SRRD: variants seen among roughly 807,000 people sequenced by gnomAD.
SRRD encodes SRR1-like protein.
Under a neutral mutation model 30.7 loss-of-function variants are expected in SRRD, and 28 were observed. That is an observed-to-expected ratio of 0.91 (90% CI 0.68 to 1.25). SRRD has a LOEUF of 1.25. SRRD is among the 50% of genes most tolerant of loss of function. The pLI, the probability that SRRD is intolerant of heterozygous loss-of-function variation, is 0.00. For synonymous variants in SRRD, 161 were observed against 159.6 expected (o/e 1.01, Z -0.07); for missense variants, 415 against 417.3 (o/e 0.99, Z 0.05).
chr22:26,491,525 T>C lies in SRRD; in HGVS notation c.873T>C (p.Asn291=), dbSNP rs759656152. ...PQTSQYMDIF[N]DTSVHWFPVQ... ...CTTCACAATACATGGACATATTTAA[T>C]GATACCTCTGTCCACTGGTTCCCTG... is the stretch of plus-strand genomic sequence containing the variant. The change falls in exon 7 of 7, where the codon AAT becomes AAC. Residue 291 remains asparagine (N), a synonymous_variant. Coordinates refer to ENST00000215917, the MANE Select transcript of SRRD (RefSeq NM_001013694.3). 1.3e-5 allele frequency: 21 copies of C among 1,613,996 alleles called. No homozygotes were observed. The highest frequency in any genetic ancestry group is 4.5e-5 in the East Asian group (2 of 44,906).
At position 26,483,956 on chromosome 22, in the gene SRRD, C is replaced by A. The variant is rs1243345608; in HGVS notation, c.66C>A (p.Ser22=). The A allele has an allele frequency of 9.5e-6, 13 of 1,366,124 alleles. No individual in the cohort carries two copies. The Admixed American group carries it at 1.2e-4, about 13-fold the overall frequency. 84.6% of individuals were successfully genotyped at this position (1,366,124 alleles called of 1,614,324 possible). Residue 22 remains serine, a synonymous_variant, in exon 1 of 7, where the codon TCC becomes TCA. Coordinates refer to ENST00000215917, the MANE Select transcript of SRRD (RefSeq NM_001013694.3). ...CGGCGGCTCCGCGGAAGAGGCGCTC[C>A]GCGGCTCGACGGCCGCGGCGGAGGG... ...WQAAAPRKRR[S]AARRPRRREA...
In SRRD at chr22:26,491,548, C is replaced by CTGTG; in HGVS notation, c.897_900dup (p.Gln301CysfsTer24). ...AATGATACCTCTGTCCACTGGTTCC[C>CTGTG]TGTGCAAAAGCTAGAACAGCTCTCC... On this transcript the variant is annotated frameshift_variant, in exon 7 of 7. Transcript: ENST00000215917. LOFTEE classifies it low-confidence loss of function (END_TRUNC). The CTGTG allele has an allele frequency of 6.2e-7, 1 of 1,614,160 alleles. No homozygotes were observed. Among genetic ancestry groups the CTGTG allele is most frequent in the Admixed American group, 1.7e-5 (1 of 60,026 alleles).
In SRRD at chr22:26,483,977, G is replaced by C. The variant is rs781333166; in HGVS notation, c.87G>C (p.Arg29=). Residue 29 remains arginine (R), a synonymous_variant, in exon 1 of 7, where the codon CGG becomes CGC. Transcript: ENST00000215917. ...GCTCCGCGGCTCGACGGCCGCGGCGGAGGGAGGCGGCGCCCCGGGGGAGAG... is the reference window on the plus strand; with the variant it reads ...GCTCCGCGGCTCGACGGCCGCGGCGCAGGGAGGCGGCGCCCCGGGGGAGAG... ...KRRSAARRPR[R]REAAPRGREA... 1 of 1,363,046 alleles carries C rather than the reference G, an allele frequency of 7.3e-7. No homozygotes were observed. The highest frequency in any genetic ancestry group is 9.4e-7 in the Non-Finnish European group (1 of 1,067,270). The allele number at this position is 1,363,046 out of a possible 1,614,324, so 84.4% of individuals were successfully genotyped here.
At position 26,492,396 on chromosome 22, in the gene SRRD, G is replaced by A. The variant is rs1270865428; in HGVS notation, c.*724G>A. On this transcript the variant is annotated 3_prime_UTR_variant, in exon 7 of 7. Coordinates refer to ENST00000215917, the MANE Select transcript of SRRD (RefSeq NM_001013694.3). ...AAGATACAGGAGGACAGGGCGGTGAGGAGAGGTGTTTCCAGGTGTATGGAA... is the reference window on the plus strand; with the variant it reads ...AAGATACAGGAGGACAGGGCGGTGAAGAGAGGTGTTTCCAGGTGTATGGAA... The A allele has an allele frequency of 6.2e-7, 1 of 1,605,200 alleles. No homozygotes were observed. The highest frequency in any genetic ancestry group is 8.5e-7 in the Non-Finnish European group (1 of 1,173,044).
In SRRD at chr22:26,490,071, C is replaced by T. The variant is rs1326704833; in HGVS notation, c.637C>T (p.Pro213Ser). The change falls in exon 5 of 7, where the codon CCT (proline) becomes TCT (serine). Residue 213 changes from proline to serine, a missense_variant. By Grantham distance (74) the Pro-to-Ser change is moderately conservative (BLOSUM62 -1). Transcript: ENST00000215917. ...EEGKRSIRGE[P>S]TIFYMLHCGT... ...AGGGAAACGGAGTATTCGCGGGGAGCCTACCATCTTTTACATGCTCCATTG... is the reference window on the plus strand; with the variant it reads ...AGGGAAACGGAGTATTCGCGGGGAGTCTACCATCTTTTACATGCTCCATTG... 9 of 1,613,990 alleles carry T rather than the reference C, an allele frequency of 5.6e-6. No homozygotes were observed. The highest frequency in any genetic ancestry group is 5.9e-6 in the Non-Finnish European group (7 of 1,179,920).
At chr22:26,486,147 G>A (rs1485019546) in intron 2 of SRRD, 84 bp downstream of exon 2, 8 of 1,572,684 alleles carry the variant, frequency 5.1e-6, no homozygotes, top group Admixed American at 1.7e-5. Context: ...CTTCACAGAG[G>A]GATAACTTGC....
At position 26,494,137 on chromosome 22, in the gene SRRD, A is replaced by G. The variant is rs995153211; in HGVS notation, c.*2465A>G. 1.6e-5 allele frequency: 26 copies of G among 1,612,864 alleles called. No individual in the cohort carries two copies. Among genetic ancestry groups the G allele is most frequent in the Non-Finnish European group, 2.2e-5 (26 of 1,179,010 alleles). ...ACATCCAAAATGGGAATCCTCACTT[A>G]CCAACGTTGGAGGACACCGCCCGGT... On this transcript the variant is annotated 3_prime_UTR_variant, in exon 7 of 7. Coordinates refer to ENST00000215917, the MANE Select transcript of SRRD (RefSeq NM_001013694.3).
rs1006057111 is a variant in SRRD at position 26,490,053 on chromosome 22, C to T, written c.619C>T (p.Arg207Trp). ...TVLSENEEGK[R>W]SIRGEPTIFY... The stretch of plus-strand genomic sequence containing the variant: ...AATATCGTATCCCCAGGAAGGGAAA[C>T]GGAGTATTCGCGGGGAGCCTACCAT... Residue 207 changes from arginine (R) to tryptophan (W), a missense_variant, in exon 5 of 7, where the codon CGG becomes TGG. Transcript: ENST00000215917. 5.0e-6 allele frequency: 8 copies of T among 1,613,790 alleles called. No individual in the cohort carries two copies. The highest frequency in any genetic ancestry group is 2.2e-5 in the East Asian group (1 of 44,898).
At chr22:26,491,393 A>G in intron 6 of SRRD, 70 bp from the exon 7 acceptor site, 1 of 1,237,106 alleles carries the variant, frequency 8.1e-7, no homozygotes, top group Non-Finnish European at 1.1e-6. Flanking sequence ...AGTAAAGTGG[A>G]AATTTATCCC....
chr22:26,491,031 G>A lies in SRRD; in HGVS notation c.771G>A (p.Leu257=), dbSNP rs754304596. The A allele has an allele frequency of 6.2e-7, 1 of 1,608,602 alleles. No individual in the cohort carries two copies. Among genetic ancestry groups the A allele is most frequent in the East Asian group, 2.2e-5 (1 of 44,804 alleles). Residue 257 remains leucine (L), a synonymous_variant, in exon 6 of 7, where the codon TTG becomes TTA. Transcript: ENST00000215917. ...GGTTTTTTTTAATTTCTAGGTTGTT[G>A]GCAAGGATTCTGCAGAAAAATTATC... The part of the protein sequence containing the change: ...NSFKGLEERL[L]ARILQKNYPY...
At position 26,484,106 on chromosome 22, in the gene SRRD, G is replaced by T. The variant is rs2091631451; in HGVS notation, c.209+7G>T. On this transcript the variant is annotated splice_region_variant and intron_variant, in intron 1 of 6. Transcript: ENST00000215917. ...GTCGCATCTGGGAGGCTGAGTGAGT[G>T]CAGGCTCGGCCCTGATGGAATCTTT... The T allele has an allele frequency of 6.6e-7, 1 of 1,522,662 alleles. No homozygotes were observed. Among genetic ancestry groups the T allele is most frequent in the African/African-American group, 1.4e-5 (1 of 71,228 alleles). The allele number at this position is 1,522,662 out of a possible 1,614,324, so 94.3% of individuals were successfully genotyped here. A position where few individuals can be genotyped will look rare whatever the true frequency, so the allele number is the denominator to read the frequency against.
Position 26,491,458 on chromosome 22 carries a change from C to A in SRRD, c.811-5C>A. The A allele has an allele frequency of 6.2e-7, 1 of 1,606,864 alleles. No homozygotes were observed. The highest frequency in any genetic ancestry group is 8.5e-7 in the Non-Finnish European group (1 of 1,176,946). ...AAGTTTTTATACTTGAATTTTTCTG[C>A]TCAGATTTTAAAAGGACTGGAGGAG... is the stretch of plus-strand genomic sequence containing the variant. On this transcript the variant is annotated splice_polypyrimidine_tract_variant and splice_region_variant and intron_variant, in intron 6 of 6. Coordinates refer to ENST00000215917, the MANE Select transcript of SRRD (RefSeq NM_001013694.3).
chr22:26,484,270 T>C (rs541020690), intron 1 of SRRD, among the ~76,000 whole-genome samples, 171 bp downstream of exon 1: 1 of 152,328 alleles, frequency 6.6e-6, no homozygotes, highest in African/African-American at 2.4e-5. Flanking sequence ...AGCGCTCAGT[T>C]AAAGGTCGTC....
chr22:26,491,652 G>A lies in SRRD; in HGVS notation c.1000G>A (p.Asp334Asn). ...TGAAATCATCAGGAACAAGAGAGAA[G>A]ATCCTTCTGCTACTGACTGAACTCG... Reference protein sequence around the residue: ...DLEIIRNKREDPSATD With the variant: ...DLEIIRNKRENPSATD The change falls in exon 7 of 7, where the codon GAT (aspartate) becomes AAT (asparagine). Residue 334 changes from aspartate to asparagine, a missense_variant. By Grantham distance (23) the Asp-to-Asn change is conservative (BLOSUM62 1). Transcript: ENST00000215917. The A allele has an allele frequency of 6.2e-7, 1 of 1,611,834 alleles. No individual in the cohort carries two copies.
At chr22:26,485,680 G>A (rs915612782) in intron 1 of SRRD, among the ~76,000 whole-genome samples, 9 of 152,136 alleles carry the variant, frequency 5.9e-5, no homozygotes, top group Admixed American at 5.9e-4. Context: ...TAGAGATGAG[G>A]AAACTAAAGC....
rs1343672463 is a variant in SRRD at position 26,491,662 on chromosome 22, C to T, written c.1010C>T (p.Ala337Val). The T allele has an allele frequency of 6.2e-7, 1 of 1,610,324 alleles. No homozygotes were observed. Among genetic ancestry groups the T allele is most frequent in the Non-Finnish European group, 8.5e-7 (1 of 1,179,938 alleles). ...AGGAACAAGAGAGAAGATCCTTCTG[C>T]TACTGACTGAACTCGTTGTGAGGTA... ...IIRNKREDPS[A>V]TD The change falls in exon 7 of 7, where the codon GCT becomes GTT. Residue 337 changes from alanine to valine, a missense_variant. By Grantham distance (64) the Ala-to-Val change is moderately conservative. Transcript: ENST00000215917.
chr22:26,488,033 C>G lies in SRRD; in HGVS notation c.255C>G (p.Thr85=). Residue 85 remains threonine (T), a synonymous_variant, in exon 3 of 7, where the codon ACC becomes ACG. Coordinates refer to ENST00000215917, the MANE Select transcript of SRRD (RefSeq NM_001013694.3). ...TTTGGGGGCCTGCTCTTTCAGAAACCATCAATAGATGTCTCACAAAACATC... is the reference window on the plus strand; with the variant it reads ...TTTGGGGGCCTGCTCTTTCAGAAACGATCAATAGATGTCTCACAAAACATC... ...ISDFWSSALE[T]INRCLTKHLE... The G allele has an allele frequency of 6.2e-7, 1 of 1,608,812 alleles. No homozygotes were observed.
rs752027040 is a variant in SRRD, at chr22:26,491,551, T to C, written c.899T>C (p.Val300Ala). 4 of 1,614,210 alleles carry C rather than the reference T, an allele frequency of 2.5e-6. No individual in the cohort carries two copies. Among genetic ancestry groups the C allele is most frequent in the Non-Finnish European group, 3.4e-6 (4 of 1,180,020 alleles). The stretch of plus-strand genomic sequence containing the variant: ...GATACCTCTGTCCACTGGTTCCCTG[T>C]GCAAAAGCTAGAACAGCTCTCCATA... ...FNDTSVHWFP[V>A]QKLEQLSIDI... is the part of the protein sequence containing the mutation. Residue 300 changes from valine (V) to alanine (A), a missense_variant, in exon 7 of 7, where the codon GTG (valine) becomes GCG (alanine). Val to Ala is a moderately conservative substitution (Grantham distance 64, BLOSUM62 0). Coordinates refer to ENST00000215917, the MANE Select transcript of SRRD (RefSeq NM_001013694.3).
At chr22:26,486,903 T>C (rs1324198191) in intron 2 of SRRD, among the ~76,000 whole-genome samples, 1 of 151,338 alleles carries the variant, frequency 6.6e-6, no homozygotes, top group Non-Finnish European at 1.5e-5. Flanking sequence ...TGTTTAAAGA[T>C]GTCTTTGCTG....
Sources: allele counts gnomAD v4.1 joint callset (sites outside exome capture counted in the v4.1 genomes callset), GRCh38; gene constraint gnomAD v4.1.1; transcripts MANE v1.5; gene names NCBI Gene and HGNC (gene_info 2026-07-23, HGNC 2026-07-21).